The following FANK1 variants were observed in gnomAD, a reference collection of about 807,000 sequenced individuals.
FANK1 encodes the protein fibronectin type III and ankyrin repeat domains 1.
Under a neutral mutation model 45.3 loss-of-function variants are expected in FANK1, and 44 were observed. The ratio of observed to expected loss-of-function variants is 0.97; its 90% CI spans 0.76 to 1.25. The LOEUF (loss-of-function observed/expected upper bound fraction) is 1.25, where lower values mean the gene tolerates loss of function less well. Among genes scored for constraint, FANK1 ranks in the 50% most tolerant of loss-of-function variants. The probability of loss-of-function intolerance (pLI) is 0.00; values close to 1 mark genes in which losing one functional copy is unlikely to be tolerated. For synonymous variants in FANK1, 149 were observed against 152.5 expected (o/e 0.98, Z 0.17); for missense variants, 391 against 424.4 (o/e 0.92, Z 0.69).
chr10:125,980,277 T>C lies in FANK1; in HGVS notation c.130T>C (p.Trp44Arg). 6.2e-7 allele frequency: 1 copy of C among 1,614,098 alleles called. No homozygotes were observed. The highest frequency in any genetic ancestry group is 8.5e-7 in the Non-Finnish European group (1 of 1,180,000). ...KAKRQGPQEQ[W>R]FRFSIEEEDP... Reference sequence around the variant, plus strand: ...CAAACGCCAAGGACCTCAAGAGCAGTGGTTCAGGTTCTCGATTGAAGAAGA... The same window carrying C: ...CAAACGCCAAGGACCTCAAGAGCAGCGGTTCAGGTTCTCGATTGAAGAAGA... The change falls in exon 2 of 11, where the codon TGG becomes CGG. Residue 44 changes from tryptophan (W) to arginine (R), a missense_variant. Trp to Arg is a moderately radical substitution (Grantham distance 101). Transcript: ENST00000368693.
Position 126,009,055 on chromosome 10 carries a change from T to A in FANK1, c.851T>A (p.Val284Glu). The A allele has an allele frequency of 6.2e-7, 1 of 1,613,984 alleles. No homozygotes were observed. The highest frequency in any genetic ancestry group is 8.5e-7 in the Non-Finnish European group (1 of 1,180,022). The change falls in exon 9 of 11, where the codon GTG (valine) becomes GAG (glutamate). Residue 284 changes from valine (V) to glutamate (E), a missense_variant and splice_region_variant. Transcript: ENST00000368693. ...KDRNGKTPLMVAVLNNHEELV... is the reference protein window; with the variant it reads ...KDRNGKTPLMEAVLNNHEELV... ...ACCACCCTGGGTTTTGTTTTCTAGG[T>A]GGCTGTGTTAAATAATCATGAAGAG...
At chr10:125,947,904 A>C (rs1159586574) in intron 1 of FANK1, among the ~76,000 whole-genome samples, 21 of 145,274 alleles carry the variant, frequency 1.4e-4, no homozygotes, top group Non-Finnish European at 9.1e-5. Context: ...CAGAAATTAT[A>C]ACAAACTATC....
chr10:125,927,871 G>A (rs1423963612), intron 1 of FANK1, among the ~76,000 whole-genome samples: 1 of 152,126 alleles, frequency 6.6e-6, no homozygotes, highest in Non-Finnish European at 1.5e-5. Context: ...CTTACCTTTT[G>A]GTGCACACGT....
chr10:125,935,301 A>T (rs1039071188), intron 1 of FANK1, among the ~76,000 whole-genome samples: 1 of 152,234 alleles, frequency 6.6e-6, no homozygotes. Context: ...CAGGGGCCGC[A>T]TCTGAGCTCA....
chr10:125,971,043 C>T (rs1250205949), intron 1 of FANK1, among the ~76,000 whole-genome samples: 1 of 152,200 alleles, frequency 6.6e-6, no homozygotes, highest in Non-Finnish European at 1.5e-5. Context: ...GGGGTGATAA[C>T]ATTTACAAAT....
At position 125,933,124 on chromosome 10, in the gene FANK1, G is replaced by A. The variant is rs552474409; in HGVS notation, c.13+36469G>A. On this transcript the variant is annotated intron_variant, in intron 1 of 10. Coordinates refer to ENST00000368693, the MANE Select transcript of FANK1 (RefSeq NM_145235.5). ...AGCTAGTATTTTGTTAAGGATTTTA[G>A]CATCTATGTTCATCAAGGATATCGG... 1.3e-3 allele frequency among the ~76,000 whole-genome samples: 204 copies of A among 152,190 alleles called. 1 individual carries two copies. Among genetic ancestry groups the A allele is most frequent in the African/African-American group, 4.7e-3 (194 of 41,540 alleles).
At chr10:125,902,722 C>T (rs77018035) in intron 1 of FANK1, among the ~76,000 whole-genome samples, 79 of 152,072 alleles carry the variant, frequency 5.2e-4, no homozygotes, top group African/African-American at 1.8e-3. Context: ...CAAGCGGCCA[C>T]GAGGTCATAA....
At chr10:125,913,256 A>G (rs1162333318) in intron 1 of FANK1, among the ~76,000 whole-genome samples, 1 of 152,144 alleles carries the variant, frequency 6.6e-6, no homozygotes, top group Non-Finnish European at 1.5e-5. Flanking sequence ...CTTGTTGCTC[A>G]TTCTGCATGA....
intron 1 of FANK1, among the ~76,000 whole-genome samples, chr10:125,950,006 G>T (rs1198283648): frequency 8.3e-6 from 1 of 120,982 alleles, no homozygotes; most frequent in Non-Finnish European, 1.8e-5. Context: ...AGAAAAACAA[G>T]CAATGGGGAA....
rs1237888888 is a variant in FANK1 at position 125,973,507 on chromosome 10, G to T, written c.14-6654G>T. Reference sequence around the variant, plus strand: ...ACTCACAGTAAGAGGTCAGTGTCTGGTTCAGTAGTTCCTTCTTCCACATGT... The same window carrying T: ...ACTCACAGTAAGAGGTCAGTGTCTGTTTCAGTAGTTCCTTCTTCCACATGT... On this transcript the variant is annotated intron_variant, in intron 1 of 10. Coordinates refer to ENST00000368693, the MANE Select transcript of FANK1 (RefSeq NM_145235.5). 1.2e-5 allele frequency: 12 copies of T among 966,322 alleles called. No homozygotes were observed. The African/African-American group carries it at 2.1e-4, about 17-fold the overall frequency. 59.9% of individuals were successfully genotyped at this position (966,322 alleles called of 1,614,324 possible).
intron 1 of FANK1, among the ~76,000 whole-genome samples, chr10:125,949,055 A>G (rs1475254971): frequency 1.3e-5 from 2 of 150,936 alleles, no homozygotes; most frequent in Admixed American, 6.6e-5. Flanking sequence ...AAAGCCTTTG[A>G]CAAAATTCAA....
intron 5 of FANK1, 64 bp downstream of exon 5, chr10:125,996,688 C>T: frequency 6.5e-7 from 1 of 1,534,178 alleles, no homozygotes; most frequent in African/African-American, 1.4e-5. Context: ...TTCAAAGGCT[C>T]TGGTCAGGAT....
intron 1 of FANK1, among the ~76,000 whole-genome samples, chr10:125,961,075 G>C (rs1407198095): frequency 6.6e-6 from 1 of 152,104 alleles, no homozygotes. Flanking sequence ...CACACAGAAA[G>C]TAATGTATTC....
At chr10:126,004,625 C>A (rs1953041259) in intron 6 of FANK1, 3 of 409,624 alleles carry the variant, frequency 7.3e-6, no homozygotes, top group Non-Finnish European at 1.4e-5. Flanking sequence ...CAATATGTGG[C>A]CTTTCATGGC....
chr10:125,944,789 G>A (rs1434744074), intron 1 of FANK1, among the ~76,000 whole-genome samples: 5 of 152,200 alleles, frequency 3.3e-5, no homozygotes, highest in African/African-American at 1.2e-4. Flanking sequence ...TTCCCATAAG[G>A]GATACTTTCA....
chr10:125,899,340 G>A (rs1447416136), intron 1 of FANK1, among the ~76,000 whole-genome samples: 15 of 152,160 alleles, frequency 9.9e-5, no homozygotes, highest in African/African-American at 2.9e-4. Flanking sequence ...GATTACAGGC[G>A]TGAGCCACCG....
At chr10:125,932,725 G>A (rs1947832504) in intron 1 of FANK1, among the ~76,000 whole-genome samples, 1 of 152,022 alleles carries the variant, frequency 6.6e-6, no homozygotes, top group East Asian at 1.9e-4. Context: ...ATTTCTCTGG[G>A]TAGGACTTAC....
intron 1 of FANK1, among the ~76,000 whole-genome samples, chr10:125,944,291 T>C (rs1210403325): frequency 1.3e-5 from 2 of 152,260 alleles, no homozygotes; most frequent in East Asian, 3.8e-4. Context: ...TTTTGATTAA[T>C]TCTCCATGAG....
intron 2 of FANK1, among the ~76,000 whole-genome samples, chr10:125,985,912 G>A (rs1346470756): frequency 6.6e-6 from 1 of 152,092 alleles, no homozygotes; most frequent in Non-Finnish European, 1.5e-5. Flanking sequence ...CTTACTAGGT[G>A]GCCTCTTTCT....
Sources: allele counts gnomAD v4.1 joint callset (sites outside exome capture counted in the v4.1 genomes callset), GRCh38; gene constraint gnomAD v4.1.1; transcripts MANE v1.5; gene names NCBI Gene and HGNC (gene_info 2026-07-23, HGNC 2026-07-21).